PPARGC1A: variants seen among roughly 807,000 people sequenced by gnomAD.
PPARGC1A encodes PPARG coactivator 1 alpha.
Under a neutral mutation model 88.7 loss-of-function variants are expected in PPARGC1A, and 25 were observed. The observed-to-expected ratio is 0.28, with a 90% CI of 0.21 to 0.39. The LOEUF is 0.39. PPARGC1A is among the 10% of genes least tolerant of loss of function. PPARGC1A has a pLI of 1.00. For synonymous variants in PPARGC1A, 363 were observed against 355.6 expected (o/e 1.02, Z -0.24); for missense variants, 880 against 968.7 (o/e 0.91, Z 1.22).
At chr4:24,007,857 C>T in the PPARGC1A span, among the ~76,000 whole-genome samples, 39 of 152,180 alleles carry the variant, frequency 2.6e-4, no homozygotes, top group Non-Finnish European at 4.7e-4. Flanking sequence ...GTGCAGTGGT[C>T]CAGTCGAGAA....
chr4:24,259,951 G>A, the PPARGC1A span, among the ~76,000 whole-genome samples: 83 of 152,212 alleles, frequency 5.5e-4, no homozygotes, highest in Middle Eastern at 3.4e-3. Context: ...TGAGTACCAG[G>A]GTGCGAGTTG....
intron 2 of PPARGC1A, among the ~76,000 whole-genome samples, chr4:23,847,578 AGG>A (rs1560435959): frequency 1.3e-5 from 2 of 152,250 alleles, no homozygotes; most frequent in Non-Finnish European, 2.9e-5. Context: ...CTCTGACCAT[AGG>A]CTGTGTAAGC....
At chr4:23,851,344 C>T (rs1035929757) in intron 2 of PPARGC1A, among the ~76,000 whole-genome samples, 2 of 152,072 alleles carry the variant, frequency 1.3e-5, no homozygotes, top group Admixed American at 1.3e-4. Context: ...ATTATCAGAA[C>T]CAATGATAAG....
chr4:24,450,672 C>A, the PPARGC1A span, among the ~76,000 whole-genome samples: 1 of 152,150 alleles, frequency 6.6e-6, no homozygotes, highest in Non-Finnish European at 1.5e-5. Flanking sequence ...TTGTTGAATT[C>A]ATCATTACAA....
At position 23,844,742 on chromosome 4, in the gene PPARGC1A, C is replaced by CATATATTATA. The variant is rs1727872442; in HGVS notation, c.235-12992_235-12991insTATAATATAT. Among the ~76,000 whole-genome samples the CATATATTATA allele has an allele frequency of 8.4e-5, 2 of 23,826 alleles. 1 individual carries two copies. The highest frequency in any genetic ancestry group is 2.7e-4 in the African/African-American group (2 of 7,302). 15.6% of individuals were successfully genotyped at this position (23,826 alleles called of 152,430 possible). On this transcript the variant is annotated intron_variant, in intron 2 of 12. Coordinates refer to ENST00000264867, the MANE Select transcript of PPARGC1A (RefSeq NM_013261.5). ...TATATTATTATAATATATGATATAT[C>CATATATTATA]ATAATATATGATATATATTATAATA... is the stretch of plus-strand genomic sequence containing the variant.
the PPARGC1A span, among the ~76,000 whole-genome samples, chr4:24,010,779 G>A: frequency 6.6e-6 from 1 of 152,150 alleles, no homozygotes; most frequent in African/African-American, 2.4e-5. Flanking sequence ...AGCCTCCTCT[G>A]AGCAGACTAC....
upstream of PPARGC1A, among the ~76,000 whole-genome samples, chr4:23,908,551 C>T (rs1274356167): frequency 1.3e-5 from 2 of 151,260 alleles, no homozygotes; most frequent in Admixed American, 6.6e-5. Flanking sequence ...GAAAATTATC[C>T]AGAGAAATAT....
At chr4:24,269,286 A>C in the PPARGC1A span, among the ~76,000 whole-genome samples, 1 of 90,926 alleles carries the variant, frequency 1.1e-5, no homozygotes, top group Non-Finnish European at 2.2e-5. Flanking sequence ...TTTTCAGGGA[A>C]GTGTTAAGAC....
the PPARGC1A span, among the ~76,000 whole-genome samples, chr4:24,105,292 C>T: frequency 6.6e-6 from 1 of 152,300 alleles, no homozygotes; most frequent in East Asian, 1.9e-4. Flanking sequence ...CAAGCAAATA[C>T]ACAACCTTGA....
At chr4:23,820,937 T>C (rs59169215) in intron 7 of PPARGC1A, among the ~76,000 whole-genome samples, 29 of 152,256 alleles carry the variant, frequency 1.9e-4, no homozygotes, top group Non-Finnish European at 3.7e-4. Flanking sequence ...GCAGTCAAAC[T>C]GATTAAGCCT....
At chr4:23,998,549 T>C in the PPARGC1A span, among the ~76,000 whole-genome samples, 481 of 152,198 alleles carry the variant, frequency 3.2e-3, 2 homozygotes, top group Non-Finnish European at 5.2e-3. Context: ...AATTAAGCAA[T>C]GGTAGGTCAC....
the PPARGC1A span, among the ~76,000 whole-genome samples, chr4:24,101,606 G>T: frequency 6.6e-6 from 1 of 152,074 alleles, no homozygotes; most frequent in Non-Finnish European, 1.5e-5. Context: ...AAATTATAAG[G>T]TATCCATTTT....
At chr4:24,193,964 A>T in the PPARGC1A span, among the ~76,000 whole-genome samples, 1 of 152,150 alleles carries the variant, frequency 6.6e-6, no homozygotes, top group Non-Finnish European at 1.5e-5. Context: ...CCCTGTCTCT[A>T]CTAAAAATAC....
the PPARGC1A span, among the ~76,000 whole-genome samples, chr4:23,990,727 G>T: frequency 6.6e-6 from 1 of 152,034 alleles, no homozygotes; most frequent in African/African-American, 2.4e-5. Context: ...CGGAGGCGAT[G>T]AACAGAAATG....
chr4:24,043,660 G>C, the PPARGC1A span, among the ~76,000 whole-genome samples: 1 of 152,066 alleles, frequency 6.6e-6, no homozygotes, highest in East Asian at 1.9e-4. Context: ...AATTTATCTG[G>C]TAATAGTTTA....
At chr4:24,240,269 G>T in the PPARGC1A span, among the ~76,000 whole-genome samples, 1 of 152,184 alleles carries the variant, frequency 6.6e-6, no homozygotes. Flanking sequence ...TCCTTAGGAA[G>T]TTCTGGGTGT....
chr4:23,862,999 T>C (rs1490832130), intron 2 of PPARGC1A, among the ~76,000 whole-genome samples: 4 of 152,136 alleles, frequency 2.6e-5, no homozygotes, highest in Non-Finnish European at 5.9e-5. Context: ...CCCTGAAACA[T>C]GTCCTCTTCT....
At chr4:24,402,614 T>C in the PPARGC1A span, among the ~76,000 whole-genome samples, 1 of 152,186 alleles carries the variant, frequency 6.6e-6, no homozygotes, top group African/African-American at 2.4e-5. Context: ...CAGTTTGTCC[T>C]AAGACAGTAC....
intron 2 of PPARGC1A, among the ~76,000 whole-genome samples, chr4:23,860,924 T>C (rs1731136489): frequency 6.6e-6 from 1 of 152,192 alleles, no homozygotes; most frequent in South Asian, 2.1e-4. Flanking sequence ...TTGGGATGAC[T>C]AGGCTCCCAG....
Sources: allele counts gnomAD v4.1 joint callset (sites outside exome capture counted in the v4.1 genomes callset), GRCh38; gene constraint gnomAD v4.1.1; transcripts MANE v1.5; gene names NCBI Gene and HGNC (gene_info 2026-07-23, HGNC 2026-07-21).